IL1RAP: variants seen among roughly 807,000 people sequenced by gnomAD.
The protein encoded by IL1RAP is interleukin 1 receptor accessory protein.
Under a neutral mutation model 60.7 loss-of-function variants are expected in IL1RAP, and 35 were observed. The ratio of observed to expected loss-of-function variants is 0.58; its 90% CI spans 0.44 to 0.76. The LOEUF (loss-of-function observed/expected upper bound fraction) is 0.76, where lower values mean the gene tolerates loss of function less well. IL1RAP is among the 30% of genes least tolerant of loss of function. IL1RAP has a pLI of 0.00. For synonymous variants in IL1RAP, 268 were observed against 250.9 expected (o/e 1.07, Z -0.64); for missense variants, 572 against 693.9 (o/e 0.82, Z 1.97).
chr3:190,628,506 C>T (rs1386202698), intron 8 of IL1RAP, among the ~76,000 whole-genome samples: 1 of 152,144 alleles, frequency 6.6e-6, no homozygotes, highest in African/African-American at 2.4e-5. Context: ...AAAAGAGAAC[C>T]TAGATGGCAG....
chr3:190,555,926 G>GTCTGTCTATCTATCTA (rs1553836079), intron 1 of IL1RAP: 8 of 145,028 alleles, frequency 5.5e-5, no homozygotes, highest in African/African-American at 1.5e-4. Context: ...ATAGAGATCT[G>GTCTGTCTATCTATCTA]TCTATCTATC....
chr3:190,589,202 C>G (rs1728731585), intron 3 of IL1RAP, among the ~76,000 whole-genome samples: 1 of 152,174 alleles, frequency 6.6e-6, no homozygotes, highest in Non-Finnish European at 1.5e-5. Context: ...TTTACTCTTC[C>G]CAAGACCCTG....
chr3:190,524,583 G>A (rs1404111074), intron 1 of IL1RAP, among the ~76,000 whole-genome samples: 3 of 152,076 alleles, frequency 2.0e-5, no homozygotes, highest in African/African-American at 7.2e-5. Context: ...TTATTGAATA[G>A]GAAATCCTTT....
At chr3:190,643,112 A>G (rs1218010147) in intron 9 of IL1RAP, among the ~76,000 whole-genome samples, 3 of 152,220 alleles carry the variant, frequency 2.0e-5, no homozygotes, top group Non-Finnish European at 4.4e-5. Context: ...GGTATAGTTA[A>G]TGAGAGGGAG....
intron 3 of IL1RAP, among the ~76,000 whole-genome samples, chr3:190,584,485 A>G (rs1728275651): frequency 1.3e-5 from 2 of 152,232 alleles, no homozygotes; most frequent in South Asian, 4.1e-4. Context: ...TCCCGTCTTC[A>G]ATGAATGAGA....
chr3:190,525,475 C>T (rs1226583403), intron 1 of IL1RAP, among the ~76,000 whole-genome samples: 2 of 152,110 alleles, frequency 1.3e-5, no homozygotes, highest in African/African-American at 2.4e-5. Context: ...TTGGATTTTA[C>T]GCAAAGTGTA....
chr3:190,527,609 C>G (rs551063409), intron 1 of IL1RAP, among the ~76,000 whole-genome samples: 6 of 151,654 alleles, frequency 4.0e-5, no homozygotes, highest in Admixed American at 3.9e-4. Flanking sequence ...GAAGCTGGTA[C>G]CAATGAGCTG....
In IL1RAP at chr3:190,648,898, TC is replaced by T. The variant is rs770540910; in HGVS notation, c.*194del. The T allele has an allele frequency of 1.8e-4, 244 of 1,374,824 alleles. No homozygotes were observed. Among genetic ancestry groups the T allele is most frequent in the Middle Eastern group, 2.7e-4 (1 of 3,722 alleles). 85.2% of individuals were successfully genotyped at this position (1,374,824 alleles called of 1,614,324 possible). Reference sequence around the variant, plus strand: ...AACACTAAAGTTTAGAAAGATATCATCAACGTTCTGTCACCAGTCTCTGATG... The same window carrying T: ...AACACTAAAGTTTAGAAAGATATCATAACGTTCTGTCACCAGTCTCTGATG... On this transcript the variant is annotated 3_prime_UTR_variant, in exon 12 of 12. Transcript: ENST00000447382.
At chr3:190,585,082 G>A (rs1002311733) in intron 3 of IL1RAP, among the ~76,000 whole-genome samples, 3 of 152,118 alleles carry the variant, frequency 2.0e-5, no homozygotes, top group African/African-American at 4.8e-5. Flanking sequence ...GAGGTTTCTG[G>A]TTACTAAAAT....
At chr3:190,629,934 C>T (rs1326281684) in intron 9 of IL1RAP, 13 of 941,148 alleles carry the variant, frequency 1.4e-5, no homozygotes, top group Admixed American at 6.2e-5. Context: ...CTAAGACTTT[C>T]GGAATTTTTC....
chr3:190,644,497 AG>A, intron 10 of IL1RAP, 100 bp downstream of exon 10: 1 of 900,962 alleles, frequency 1.1e-6, no homozygotes, highest in Non-Finnish European at 1.7e-6. Context: ...TGAAAAACCT[AG>A]ATTAACTGGA....
chr3:190,564,194 T>C (rs1726161673), intron 2 of IL1RAP, 95 bp from the exon 3 acceptor site: 1 of 785,958 alleles, frequency 1.3e-6, no homozygotes, highest in East Asian at 2.5e-5. Flanking sequence ...GAACAGTCCC[T>C]AGTCTATAGT....
intron 3 of IL1RAP, among the ~76,000 whole-genome samples, chr3:190,571,299 G>C (rs753291290): frequency 2.0e-5 from 3 of 151,752 alleles, no homozygotes; most frequent in African/African-American, 7.3e-5. Context: ...ATTGCTTGAG[G>C]CCAGAAGTTT....
chr3:190,525,153 T>G (rs1300681562), intron 1 of IL1RAP, among the ~76,000 whole-genome samples: 2 of 152,114 alleles, frequency 1.3e-5, no homozygotes, highest in Non-Finnish European at 2.9e-5. Flanking sequence ...TATGTACATA[T>G]GAGTCAAGAG....
intron 3 of IL1RAP, among the ~76,000 whole-genome samples, chr3:190,566,465 C>G (rs1227172182): frequency 6.6e-6 from 1 of 152,086 alleles, no homozygotes; most frequent in East Asian, 1.9e-4. Context: ...TCTGAATGAC[C>G]TTTACTGTAA....
intron 9 of IL1RAP, among the ~76,000 whole-genome samples, chr3:190,637,843 TA>T (rs201585748): frequency 9.2e-5 from 14 of 151,872 alleles, no homozygotes; most frequent in African/African-American, 2.4e-4. Context: ...GTTTTTTTTT[TA>T]TATATTCTAG....
chr3:190,532,533 A>T (rs1283733542), intron 1 of IL1RAP, among the ~76,000 whole-genome samples: 1 of 152,146 alleles, frequency 6.6e-6, no homozygotes, highest in Non-Finnish European at 1.5e-5. Context: ...AAGTGCTGGG[A>T]TAATCATCTT....
At chr3:190,532,871 T>G (rs1334750304) in intron 1 of IL1RAP, among the ~76,000 whole-genome samples, 2 of 152,192 alleles carry the variant, frequency 1.3e-5, no homozygotes, top group African/African-American at 4.8e-5. Context: ...TTGCTTCCTT[T>G]TCTCCTTTTT....
At position 190,649,544 on chromosome 3, in the gene IL1RAP, A is replaced by G; in HGVS notation, c.*839A>G. On this transcript the variant is annotated 3_prime_UTR_variant, in exon 12 of 12. Transcript: ENST00000447382. ...TGCTATAGAGAGGGAGGTAACAGAA[A>G]GACTCTTTTAGGGCATTTTTCTGAC... The G allele has an allele frequency of 1.0e-6, 1 of 985,812 alleles. No homozygotes were observed. The highest frequency in any genetic ancestry group is 1.2e-6 in the Non-Finnish European group (1 of 829,916). 61.1% of individuals were successfully genotyped at this position (985,812 alleles called of 1,614,324 possible).
Sources: allele counts gnomAD v4.1 joint callset (sites outside exome capture counted in the v4.1 genomes callset), GRCh38; gene constraint gnomAD v4.1.1; transcripts MANE v1.5; gene names NCBI Gene and HGNC (gene_info 2026-07-23, HGNC 2026-07-21).